Variants in TNNI3K observed in about 807,000 individuals in gnomAD.
TNNI3K encodes TNNI3 interacting kinase.
A neutral mutation model predicts 114.5 loss-of-function variants in TNNI3K; 140 were observed. The ratio of observed to expected loss-of-function variants is 1.22; its 90% CI spans 1.07 to 1.41. The LOEUF (loss-of-function observed/expected upper bound fraction) is 1.41. Among genes scored for constraint, TNNI3K ranks in the 40% most tolerant of loss-of-function variants. The pLI is 0.00. For synonymous variants in TNNI3K, 347 were observed against 347.5 expected, an observed-to-expected ratio of 1.00 and a Z score of 0.02; for missense variants, 1,125 against 1,007.6, an observed-to-expected ratio of 1.12 and a Z score of -1.58.
At chr1:74,272,038 G>T (rs1037907368) in intron 5 of TNNI3K, among the ~76,000 whole-genome samples, 2 of 151,818 alleles carry the variant, frequency 1.3e-5, no homozygotes, top group African/African-American at 4.8e-5. Flanking sequence ...TATAAAATAG[G>T]AATATTAGTA....
chr1:74,380,507 G>A (rs45524240), intron 17 of TNNI3K, among the ~76,000 whole-genome samples: 3,624 of 152,188 alleles, frequency 0.024, 89 homozygotes, highest in Middle Eastern at 0.075. Flanking sequence ...GAGCGTGGAA[G>A]GGAGAAGCGA....
At chr1:74,501,460 G>T (rs1026936639) in intron 23 of TNNI3K, among the ~76,000 whole-genome samples, 9 of 144,230 alleles carry the variant, frequency 6.2e-5, no homozygotes, top group East Asian at 2.2e-4. Flanking sequence ...AACTTGGAGG[G>T]TTTTTTTTGT....
At position 74,500,671 on chromosome 1, in the gene TNNI3K, T is replaced by C. The variant is rs1196571728; in HGVS notation, c.2351+8405T>C. Reference sequence around the variant, plus strand: ...AAAAAAAAAAAAAATTATTTAAGCCTCACTCTGTTGGAAGTAAACAAATGA... The same window carrying C: ...AAAAAAAAAAAAAATTATTTAAGCCCCACTCTGTTGGAAGTAAACAAATGA... On this transcript the variant is annotated intron_variant, in intron 23 of 24. Transcript: ENST00000326637. Among the ~76,000 whole-genome samples the C allele has an allele frequency of 9.4e-5, 11 of 117,412 alleles. 1 individual carries two copies. Among genetic ancestry groups the C allele is most frequent in the African/African-American group, 1.6e-4 (5 of 32,246 alleles). 77.0% of individuals were successfully genotyped at this position (117,412 alleles called of 152,430 possible).
chr1:74,443,256 C>T (rs570008864), intron 20 of TNNI3K, among the ~76,000 whole-genome samples: 8 of 151,790 alleles, frequency 5.3e-5, no homozygotes, highest in Non-Finnish European at 1.2e-4. Flanking sequence ...AAAATAGATA[C>T]ACCGCTAGCT....
chr1:74,268,052 A>T (rs1386674152), intron 4 of TNNI3K, among the ~76,000 whole-genome samples: 1 of 151,968 alleles, frequency 6.6e-6, no homozygotes, highest in African/African-American at 2.4e-5. Flanking sequence ...AAGAGTATCC[A>T]TCTTTCTACT....
At chr1:74,492,693 G>A (rs955139606) in intron 23 of TNNI3K, among the ~76,000 whole-genome samples, 2 of 152,002 alleles carry the variant, frequency 1.3e-5, no homozygotes, top group Non-Finnish European at 2.9e-5. Context: ...TTGGAAATAG[G>A]TACTTAAACA....
chr1:74,344,533 A>T (rs1660900439), intron 9 of TNNI3K, among the ~76,000 whole-genome samples: 1 of 152,178 alleles, frequency 6.6e-6, no homozygotes, highest in African/African-American at 2.4e-5. Context: ...TCATACCTTC[A>T]GTCAAATGGA....
intron 23 of TNNI3K, among the ~76,000 whole-genome samples, chr1:74,511,138 T>A (rs1670194976): frequency 6.6e-6 from 1 of 151,580 alleles, no homozygotes; most frequent in Admixed American, 6.6e-5. Context: ...AGGTGATCCA[T>A]CCGCCTTGGC....
At chr1:74,477,332 T>A (rs1472104060) in intron 21 of TNNI3K, among the ~76,000 whole-genome samples, 1 of 152,114 alleles carries the variant, frequency 6.6e-6, no homozygotes, top group Non-Finnish European at 1.5e-5. Flanking sequence ...TACCCAGGGA[T>A]TAAATAATAT....
chr1:74,450,147 G>C (rs1201147201), intron 20 of TNNI3K, among the ~76,000 whole-genome samples: 2 of 147,354 alleles, frequency 1.4e-5, no homozygotes, highest in Non-Finnish European at 3.0e-5. Flanking sequence ...ACCTGCTCCT[G>C]AATGACTACT....
chr1:74,248,594 A>AGTT (rs1654736654), intron 2 of TNNI3K, among the ~76,000 whole-genome samples: 1 of 152,224 alleles, frequency 6.6e-6, no homozygotes, highest in Non-Finnish European at 1.5e-5. Flanking sequence ...TTCTTTTTGA[A>AGTT]GTATAACTCT....
intron 20 of TNNI3K, among the ~76,000 whole-genome samples, chr1:74,446,861 C>G (rs1470028401): frequency 0.024 from 3,539 of 146,204 alleles, 131 homozygotes; most frequent in African/African-American, 0.086. Context: ...AGGTATGCGG[C>G]GTTAATTCTG....
intron 5 of TNNI3K, among the ~76,000 whole-genome samples, chr1:74,289,625 A>G (rs1339338294): frequency 6.6e-6 from 1 of 151,850 alleles, no homozygotes; most frequent in Non-Finnish European, 1.5e-5. Flanking sequence ...GTCCTGTGCT[A>G]TATCACACAG....
chr1:74,438,399 A>T (rs2100667217), intron 19 of TNNI3K, among the ~76,000 whole-genome samples: 1 of 152,236 alleles, frequency 6.6e-6, no homozygotes, highest in South Asian at 2.1e-4. Flanking sequence ...CAAAAGAATT[A>T]GCAACCAACA....
intron 11 of TNNI3K, among the ~76,000 whole-genome samples, chr1:74,359,624 T>G (rs1391160849): frequency 6.6e-6 from 1 of 152,018 alleles, no homozygotes; most frequent in Non-Finnish European, 1.5e-5. Context: ...ATCAAAATAT[T>G]ATGAAAGTAA....
At chr1:74,505,501 C>T (rs1402389081) in intron 23 of TNNI3K, among the ~76,000 whole-genome samples, 1 of 152,214 alleles carries the variant, frequency 6.6e-6, no homozygotes, top group Non-Finnish European at 1.5e-5. Context: ...ATTTCTGAAG[C>T]AGCTCTTACA....
At chr1:74,318,830 T>C (rs1489035398) in intron 5 of TNNI3K, among the ~76,000 whole-genome samples, 1 of 152,262 alleles carries the variant, frequency 6.6e-6, no homozygotes, top group Non-Finnish European at 1.5e-5. Flanking sequence ...AGCTAGGTAC[T>C]CAAAAATATT....
rs371637010 is a variant in TNNI3K at position 74,237,728 on chromosome 1, T to C, written c.149+1518T>C. Among the ~76,000 whole-genome samples, 7 of 152,100 alleles carry C rather than the reference T, an allele frequency of 4.6e-5. No homozygotes were observed. The East Asian group carries it at 7.7e-4, about 17-fold the overall frequency. The stretch of plus-strand genomic sequence containing the variant: ...GTGACCTTCTTTTTTCTGATTAGCA[T>C]TGGGGGTGAGATGCAGGAATCTGTG... On this transcript the variant is annotated intron_variant, in intron 2 of 24. Coordinates refer to ENST00000326637, the MANE Select transcript of TNNI3K (RefSeq NM_015978.3).
chr1:74,539,558 G>C (rs1240369846), intron 23 of TNNI3K, among the ~76,000 whole-genome samples: 1 of 152,036 alleles, frequency 6.6e-6, no homozygotes, highest in East Asian at 1.9e-4. Context: ...GTTTGAGAAA[G>C]GAGAAGGATC....
Sources: gnomAD v4.1 joint callset for allele counts (sites outside exome capture counted in the v4.1 genomes callset) on GRCh38, gnomAD v4.1.1 for gene constraint, MANE v1.5 for transcripts, NCBI Gene and HGNC (gene_info 2026-07-23, HGNC 2026-07-21) for gene names.